Variants in STS observed in about 807,000 individuals in gnomAD.
STS encodes steryl-sulfatase.
In STS, 7 loss-of-function variants were observed where a neutral mutation model predicts 26.8. The ratio of observed to expected loss-of-function variants is 0.26; its 90% CI spans 0.15 to 0.49. STS has a LOEUF of 0.49. Ranked by LOEUF, STS falls within the 20% of genes least tolerant of loss-of-function variation. The pLI, the probability that STS is intolerant of heterozygous loss-of-function variation, is 0.98. For synonymous variants in STS, 199 were observed against 189.4 expected (o/e 1.05, Z -0.42); for missense variants, 434 against 465.6 (o/e 0.93, Z 0.63).
At chrX:7,325,243 G>C (rs923967110) in intron 8 of STS, 96 bp from the exon 9 acceptor site, 7 of 910,916 alleles carry the variant, frequency 7.7e-6, no homozygotes, top group South Asian at 6.2e-5. Context: ...TAGAGCAGTT[G>C]GTTCTTCTAC....
Position 7,276,196 on chromosome X carries a change from A to C in STS, c.943+109A>C, listed in dbSNP as rs1471569159. ...TTCCTGATGCCTTTAGAGACAGCAA[A>C]TGTATGGGGTTTTTTGAAAGTAACC... On this transcript the variant is annotated intron_variant, in intron 7 of 10. Coordinates refer to ENST00000674429, the MANE Select transcript of STS (RefSeq NM_001320752.2). 9 of 1,021,785 alleles carry C rather than the reference A, an allele frequency of 8.8e-6. No homozygotes were observed. In the Admixed American group the frequency reaches 1.5e-4, roughly 16 times the overall value. 84.2% of individuals were successfully genotyped at this position (1,021,785 alleles called of 1,213,427 possible).
At chrX:7,325,627 G>C (rs1927405957) in intron 9 of STS, 129 bp downstream of exon 9, 2 of 764,260 alleles carry the variant, frequency 2.6e-6, no homozygotes, top group Non-Finnish European at 4.0e-6. Flanking sequence ...AAAATCACAG[G>C]TTTGAGGCAG....
chrX:7,287,186 A>G (rs899141226), intron 7 of STS, among the ~76,000 whole-genome samples: 2 of 111,583 alleles, frequency 1.8e-5, no homozygotes, highest in African/African-American at 6.5e-5. Context: ...GTAGTTCAAG[A>G]GCAGAGTTCT....
intron 8 of STS, among the ~76,000 whole-genome samples, chrX:7,309,604 A>AC (rs62976062): frequency 1.7e-5 from 1 of 59,556 alleles, no homozygotes. Context: ...TTGTTAAAAA[A>AC]AAAATCTATG....
At chrX:7,298,526 G>A (rs1218590719) in intron 7 of STS, among the ~76,000 whole-genome samples, 1 of 111,363 alleles carries the variant, frequency 9.0e-6, no homozygotes, top group Non-Finnish European at 1.9e-5. Flanking sequence ...TGATGTATGG[G>A]ACATTGGTGT....
intron 2 of STS, among the ~76,000 whole-genome samples, chrX:7,248,811 ATTC>A (rs1923007299): frequency 9.0e-6 from 1 of 111,293 alleles, no homozygotes; most frequent in Non-Finnish European, 1.9e-5. Flanking sequence ...CATCTCTAGA[ATTC>A]TTTTCATCTT....
chrX:7,288,807 A>G (rs1430351340), intron 7 of STS, among the ~76,000 whole-genome samples: 1 of 110,620 alleles, frequency 9.0e-6, no homozygotes, highest in Non-Finnish European at 1.9e-5. Context: ...CCAGTGTTAT[A>G]CTTTGTCTTC....
rs1927895469 is a variant in STS, at chrX:7,334,080, A to C, written c.1336A>C (p.Asn446His). 2 of 1,211,146 alleles carry C rather than the reference A, an allele frequency of 1.7e-6. No individual in the cohort carries two copies. The highest frequency in any genetic ancestry group is 2.2e-6 in the Non-Finnish European group (2 of 895,262). ...CTTCCATTACTGCAACGCCTACTTAAATGCTGTGCGCTGGCACCCTCAGAA... is the reference window on the plus strand; with the variant it reads ...CTTCCATTACTGCAACGCCTACTTACATGCTGTGCGCTGGCACCCTCAGAA... Reference protein sequence around the residue: ...FLFHYCNAYLNAVRWHPQNST... With the variant: ...FLFHYCNAYLHAVRWHPQNST... The change falls in exon 10 of 11, where the codon AAT (asparagine) becomes CAT (histidine). Residue 446 changes from asparagine to histidine, a missense_variant. Physicochemically the swap from Asn to His is moderately conservative, Grantham distance 68. Around this residue, in one of 2 missense-constraint regions of STS, gnomAD observed 205 missense variants for 177.3 expected, o/e 1.16. Coordinates refer to ENST00000674429, the MANE Select transcript of STS (RefSeq NM_001320752.2).
Position 7,353,683 on chromosome X carries a change from G to A in STS, c.*3422G>A, listed in dbSNP as rs1928892040. The A allele has an allele frequency of 9.0e-6, 1 of 111,160 alleles. No individual in the cohort carries two copies. 9.2% of individuals were successfully genotyped at this position (111,160 alleles called of 1,213,427 possible). ...AACCCCGAAACAGTAAGAAATTGGA[G>A]TGAGAAGGGCATGGTATTGGGACTA... On this transcript the variant is annotated 3_prime_UTR_variant, in exon 11 of 11. Coordinates refer to ENST00000674429, the MANE Select transcript of STS (RefSeq NM_001320752.2).
In STS at chrX:7,205,747, G is replaced by C. The variant is rs899889673; in HGVS notation, c.-5+14739G>C. ...AGCAATCTCTTCCTCCTGGGCTCAA[G>C]TGGTCCTCTCACACACCACCACCAT... On this transcript the variant is annotated intron_variant, in intron 2 of 10. Transcript: ENST00000674429. 3.3e-4 allele frequency among the ~76,000 whole-genome samples: 35 copies of C among 106,511 alleles called. No individual in the cohort carries two copies. The Admixed American group carries it at 3.5e-3, about 11-fold the overall frequency. The allele number at this position is 106,511 out of a possible 115,157, so 92.5% of individuals were successfully genotyped here.
intron 2 of STS, among the ~76,000 whole-genome samples, chrX:7,214,694 C>T (rs1481201337): frequency 9.2e-6 from 1 of 108,471 alleles, no homozygotes; most frequent in Non-Finnish European, 1.9e-5. Context: ...TCACTCACCC[C>T]CTTCTCACCC....
At chrX:7,196,601 A>C (rs776769494) in intron 2 of STS, among the ~76,000 whole-genome samples, 37 of 111,977 alleles carry the variant, frequency 3.3e-4, no homozygotes, top group African/African-American at 1.2e-3. Flanking sequence ...CCACACCACC[A>C]CCACTACAAC....
intron 2 of STS, among the ~76,000 whole-genome samples, chrX:7,203,469 G>A (rs1934112532): frequency 9.0e-6 from 1 of 111,712 alleles, no homozygotes; most frequent in Admixed American, 9.5e-5. Flanking sequence ...GTAAGCCCAA[G>A]TTCATTTTCT....
intron 1 of STS, among the ~76,000 whole-genome samples, chrX:7,176,687 C>T (rs1017799827): frequency 5.4e-5 from 6 of 111,346 alleles, no homozygotes; most frequent in Non-Finnish European, 9.4e-5. Flanking sequence ...GAATGAGAAC[C>T]GAGTGAAGGA....
At chrX:7,319,957 A>C (rs1455759057) in intron 8 of STS, among the ~76,000 whole-genome samples, 1 of 93,321 alleles carries the variant, frequency 1.1e-5, no homozygotes, top group Non-Finnish European at 2.0e-5. Flanking sequence ...ATGTATATTT[A>C]TATATATATT....
rs1921232508 is a variant in STS at position 7,215,042 on chromosome X, C to CAAT, written c.-5+24035_-5+24036insATA. Among the ~76,000 whole-genome samples, 5 of 80,435 alleles carry CAAT rather than the reference C, an allele frequency of 6.2e-5. No homozygotes were observed. The South Asian group carries it at 2.8e-3, about 45-fold the overall frequency. 69.8% of individuals were successfully genotyped at this position (80,435 alleles called of 115,157 possible). On this transcript the variant is annotated intron_variant, in intron 2 of 10. Coordinates refer to ENST00000674429, the MANE Select transcript of STS (RefSeq NM_001320752.2). ...TATATATTATATATGTATATATATA[C>CAAT]ATATATATACGTATATATGTATATA...
At chrX:7,231,506 G>A (rs1375487604) in intron 2 of STS, among the ~76,000 whole-genome samples, 23 of 111,266 alleles carry the variant, frequency 2.1e-4, no homozygotes, top group African/African-American at 7.2e-4. Context: ...GTCAGGCTAG[G>A]GGGATGGAGG....
At chrX:7,152,486 T>C (rs1367450608) in intron 1 of STS, among the ~76,000 whole-genome samples, 6 of 110,939 alleles carry the variant, frequency 5.4e-5, no homozygotes, top group African/African-American at 2.0e-4. Context: ...CCTAGCTAAC[T>C]TGTGTATTTT....
chrX:7,313,899 G>A (rs1186153143), intron 8 of STS, among the ~76,000 whole-genome samples: 18 of 112,035 alleles, frequency 1.6e-4, no homozygotes, highest in African/African-American at 5.8e-4. Flanking sequence ...GAATGGTAAA[G>A]GCAGTTAGCC....
Sources: gnomAD v4.1 joint callset for allele counts (sites outside exome capture counted in the v4.1 genomes callset) on GRCh38, gnomAD v4.1.1 for gene constraint, gnomAD v4.1.1 regional missense constraint, MANE v1.5 for transcripts, NCBI Gene and HGNC (gene_info 2026-07-23, HGNC 2026-07-21) for gene names.